Variants in TENM3 observed in about 807,000 individuals in gnomAD.
TENM3 encodes the protein teneurin transmembrane protein 3, also known as teneurin-3.
In TENM3, 63 loss-of-function variants were observed where a neutral mutation model predicts 255.1. The ratio of observed to expected loss-of-function variants is 0.25; its 90% confidence interval spans 0.20 to 0.30. The LOEUF is 0.30. TENM3 is among the 10% of genes least tolerant of loss of function. The pLI is 1.00. For synonymous variants in TENM3, 1,306 were observed against 1,322.3 expected (o/e 0.99, Z 0.27); for missense variants, 2,929 against 3,461.1 (o/e 0.85, Z 3.86).
At chr4:181,691,629 T>C in the TENM3 span, among the ~76,000 whole-genome samples, 1 of 152,122 alleles carries the variant, frequency 6.6e-6, no homozygotes, top group Non-Finnish European at 1.5e-5. Flanking sequence ...ATCTGCACCG[T>C]CAAAATTCTT....
chr4:181,565,424 T>C, the TENM3 span, among the ~76,000 whole-genome samples: 1 of 152,220 alleles, frequency 6.6e-6, no homozygotes, highest in Non-Finnish European at 1.5e-5. Flanking sequence ...ATGCTTAGTC[T>C]TAGAGATACA....
chr4:182,270,596 G>A (rs1420955550), intron 1 of TENM3, among the ~76,000 whole-genome samples: 1 of 152,134 alleles, frequency 6.6e-6, no homozygotes, highest in East Asian at 1.9e-4. Flanking sequence ...GGCTCAGAGT[G>A]GCATCTGTTC....
intron 3 of TENM3, among the ~76,000 whole-genome samples, chr4:182,388,719 A>G (rs548677169): frequency 6.6e-6 from 1 of 151,530 alleles, no homozygotes; most frequent in African/African-American, 2.4e-5. Context: ...GTGTATTATC[A>G]TGCTTTTGAA....
chr4:182,148,613 C>G (rs1164059491), intron 1 of TENM3, among the ~76,000 whole-genome samples: 2 of 151,862 alleles, frequency 1.3e-5, no homozygotes, highest in African/African-American at 4.8e-5. Flanking sequence ...TTCAGTTTTT[C>G]AGAGATTTCT....
chr4:182,338,468 T>C, intron 2 of TENM3, among the ~76,000 whole-genome samples: 1 of 152,322 alleles, frequency 6.6e-6, no homozygotes, highest in South Asian at 2.1e-4. Flanking sequence ...CTCTTAGATA[T>C]AGACTACTTA....
At chr4:181,853,926 T>C in the TENM3 span, among the ~76,000 whole-genome samples, 2 of 152,208 alleles carry the variant, frequency 1.3e-5, no homozygotes, top group Non-Finnish European at 2.9e-5. Context: ...CTATAGAAGA[T>C]TTTGTTGAAA....
chr4:181,728,522 C>A, the TENM3 span, among the ~76,000 whole-genome samples: 1 of 152,176 alleles, frequency 6.6e-6, no homozygotes, highest in Non-Finnish European at 1.5e-5. Flanking sequence ...TATAGGATAA[C>A]TTCCTGATGT....
At chr4:181,899,655 C>T in the TENM3 span, among the ~76,000 whole-genome samples, 2 of 152,124 alleles carry the variant, frequency 1.3e-5, no homozygotes, top group Admixed American at 1.3e-4. Context: ...GAAACCTCTG[C>T]CTCCCGGGTT....
chr4:182,295,459 G>A (rs919086910), intron 1 of TENM3, among the ~76,000 whole-genome samples: 1 of 151,746 alleles, frequency 6.6e-6, no homozygotes, highest in Middle Eastern at 3.4e-3. Flanking sequence ...ATTAGCGATG[G>A]GGTTTCACCA....
intron 3 of TENM3, among the ~76,000 whole-genome samples, chr4:182,408,263 T>TA (rs912294851): frequency 9.8e-5 from 15 of 152,302 alleles, no homozygotes; most frequent in Non-Finnish European, 1.3e-4. Context: ...CCAAATTCCA[T>TA]AAAAAAGACA....
intron 1 of TENM3, among the ~76,000 whole-genome samples, chr4:182,260,975 AGT>A (rs1758745271): frequency 6.6e-6 from 1 of 151,962 alleles, no homozygotes; most frequent in Non-Finnish European, 1.5e-5. Context: ...TCCCGGGTTC[AGT>A]TGATTCTCCT....
the TENM3 span, among the ~76,000 whole-genome samples, chr4:181,493,264 T>G: frequency 6.8e-6 from 1 of 147,444 alleles, no homozygotes; most frequent in African/African-American, 2.5e-5. Flanking sequence ...TCACTGCACT[T>G]CAGCCTGGGC....
chr4:181,584,904 T>C, the TENM3 span, among the ~76,000 whole-genome samples: 2 of 151,820 alleles, frequency 1.3e-5, no homozygotes, highest in Non-Finnish European at 2.9e-5. Context: ...GGCACTGTTA[T>C]TAGATTTGAT....
chr4:182,526,021 C>G (rs1739126317), intron 3 of TENM3, among the ~76,000 whole-genome samples: 1 of 152,160 alleles, frequency 6.6e-6, no homozygotes, highest in Admixed American at 6.5e-5. Flanking sequence ...GCTCTGTCGC[C>G]CAGGCTGGAG....
At chr4:181,945,126 G>GA in the TENM3 span, among the ~76,000 whole-genome samples, 85,987 of 151,556 alleles carry the variant, frequency 0.57, 24,956 homozygotes, top group African/African-American at 0.65. Context: ...TTTGAGAAAG[G>GA]AATGTGAATG....
At chr4:181,473,487 G>T in the TENM3 span, among the ~76,000 whole-genome samples, 6 of 152,208 alleles carry the variant, frequency 3.9e-5, no homozygotes, top group African/African-American at 1.4e-4. Context: ...AGCTACTCAG[G>T]AGGCTGAGGT....
chr4:182,694,974 C>T (rs1466777853), intron 12 of TENM3, among the ~76,000 whole-genome samples: 1 of 152,220 alleles, frequency 6.6e-6, no homozygotes, highest in Non-Finnish European at 1.5e-5. Flanking sequence ...ATAAGTGCTT[C>T]ACTTAAATTA....
intron 4 of TENM3, among the ~76,000 whole-genome samples, chr4:182,624,391 C>G (rs6552584): frequency 0.92 from 139,684 of 152,284 alleles, 64,219 homozygotes; most frequent in African/African-American, 0.94. Flanking sequence ...GCGTGTTTCT[C>G]TACACGCAGC....
the TENM3 span, among the ~76,000 whole-genome samples, chr4:181,880,298 GATTA>G: frequency 7.2e-5 from 11 of 152,038 alleles, no homozygotes; most frequent in African/African-American, 2.7e-4. Flanking sequence ...ATATATGTTA[GATTA>G]ATTGATAGGA....
Sources: gnomAD v4.1 joint callset for allele counts (sites outside exome capture counted in the v4.1 genomes callset) on GRCh38, gnomAD v4.1.1 for gene constraint, MANE v1.5 for transcripts, NCBI Gene and HGNC (gene_info 2026-07-23, HGNC 2026-07-21) for gene names.